Variants in COX7B2 observed in about 807,000 individuals in gnomAD.
COX7B2 encodes the protein cytochrome c oxidase subunit 7B2, mitochondrial.
For missense variants in COX7B2, 109 were observed against 95.9 expected (o/e 1.14, Z -0.57); for synonymous variants, 37 against 32.1 (o/e 1.15, Z -0.51).
chr4:46,785,539 T>C (rs1221969725), intron 2 of COX7B2, among the ~76,000 whole-genome samples: 16 of 152,138 alleles, frequency 1.1e-4, no homozygotes, highest in African/African-American at 3.6e-4. Flanking sequence ...CACCCGGCTA[T>C]GATACAGCAA....
In COX7B2 at chr4:46,813,154, A is replaced by T. The variant is rs545243221; in HGVS notation, c.-50+31806T>A. Among the ~76,000 whole-genome samples the T allele has an allele frequency of 1.2e-4, 19 of 152,324 alleles. No individual in the cohort carries two copies. In the South Asian group the frequency reaches 3.9e-3, roughly 32 times the overall value. On this transcript the variant is annotated intron_variant, in intron 2 of 2. Coordinates refer to ENST00000355591, the MANE Select transcript of COX7B2 (RefSeq NM_130902.3). ...GCTTTGTGGTAGCTTGACTCTAGGG[A>T]GTAGGCCATAAGACAAGATTTCATT...
At chr4:46,898,951 T>C (rs929533909) in intron 1 of COX7B2, among the ~76,000 whole-genome samples, 1 of 152,178 alleles carries the variant, frequency 6.6e-6, no homozygotes, top group Admixed American at 6.5e-5. Flanking sequence ...TGTAACCTCA[T>C]GAAGGAAGGG....
chr4:46,776,506 C>T (rs73139356), intron 2 of COX7B2, among the ~76,000 whole-genome samples: 1 of 151,648 alleles, frequency 6.6e-6, no homozygotes, highest in South Asian at 2.1e-4. Context: ...AAGCAAGATA[C>T]GCACTGTTGT....
At chr4:46,756,152 A>G (rs1415744185) in intron 2 of COX7B2, among the ~76,000 whole-genome samples, 2 of 152,062 alleles carry the variant, frequency 1.3e-5, no homozygotes, top group East Asian at 3.9e-4. Context: ...CCCAGAAATA[A>G]AGCCACTTGT....
chr4:46,903,795 T>C (rs989998792), intron 1 of COX7B2: 2 of 152,222 alleles, frequency 1.3e-5, no homozygotes, highest in African/African-American at 2.4e-5. Context: ...AGCTATACTA[T>C]ATAGCCTATG....
At chr4:46,897,971 A>C (rs751494763) in intron 1 of COX7B2, among the ~76,000 whole-genome samples, 4 of 151,530 alleles carry the variant, frequency 2.6e-5, no homozygotes, top group Admixed American at 2.6e-4. Flanking sequence ...CCACCTCTCC[A>C]TTTCTCCTTC....
chr4:46,904,736 C>T (rs1353996886), intron 1 of COX7B2, among the ~76,000 whole-genome samples: 1 of 152,054 alleles, frequency 6.6e-6, no homozygotes, highest in Non-Finnish European at 1.5e-5. Context: ...GATACATTCA[C>T]ATCACAAAAT....
At chr4:46,799,720 C>A (rs560930208) in intron 2 of COX7B2, among the ~76,000 whole-genome samples, 13 of 152,224 alleles carry the variant, frequency 8.5e-5, no homozygotes, top group Middle Eastern at 3.4e-3. Context: ...TTTGGTTGAT[C>A]AGCTTTTTGA....
chr4:46,819,234 C>T, intron 2 of COX7B2, among the ~76,000 whole-genome samples: 1 of 152,144 alleles, frequency 6.6e-6, no homozygotes, highest in Non-Finnish European at 1.5e-5. Flanking sequence ...TCCCAACCCA[C>T]TCTCATTTAT....
intron 2 of COX7B2, among the ~76,000 whole-genome samples, chr4:46,812,773 C>CTACA (rs1429880272): frequency 6.6e-6 from 1 of 152,214 alleles, no homozygotes; most frequent in Admixed American, 6.5e-5. Context: ...ACTAAAGGCA[C>CTACA]TGTGTCTGTT....
intron 2 of COX7B2, among the ~76,000 whole-genome samples, chr4:46,808,974 T>C (rs1239069928): frequency 6.6e-6 from 1 of 151,886 alleles, no homozygotes; most frequent in East Asian, 1.9e-4. Context: ...ATCAGAGAAA[T>C]TGGTCTGTAG....
At chr4:46,852,037 G>T (rs950562699) in intron 1 of COX7B2, among the ~76,000 whole-genome samples, 1 of 151,992 alleles carries the variant, frequency 6.6e-6, no homozygotes, top group Non-Finnish European at 1.5e-5. Context: ...ATCCATAGGA[G>T]ACTTTATGAC....
At chr4:46,833,086 G>T (rs1225838980) in intron 2 of COX7B2, among the ~76,000 whole-genome samples, 1 of 152,024 alleles carries the variant, frequency 6.6e-6, no homozygotes, top group Non-Finnish European at 1.5e-5. Flanking sequence ...TGTATTTTTA[G>T]TAGAGACGGG....
chr4:46,777,316 A>G (rs1007331889), intron 2 of COX7B2, among the ~76,000 whole-genome samples: 7 of 152,132 alleles, frequency 4.6e-5, no homozygotes, highest in African/African-American at 1.7e-4. Context: ...CTCATGAAGA[A>G]TTTTGCTTTT....
rs370672443 is a variant in COX7B2, at chr4:46,841,519, C to T, written c.-50+3441G>A. On this transcript the variant is annotated intron_variant, in intron 2 of 2. Coordinates refer to ENST00000355591, the MANE Select transcript of COX7B2 (RefSeq NM_130902.3). ...GTTAATTCGTGTTTGGGATAATGTG[C>T]TATCTTAGTAAGACATAATAATATG... Among the ~76,000 whole-genome samples, 6 of 151,940 alleles carry T rather than the reference C, an allele frequency of 3.9e-5. No individual in the cohort carries two copies. In the East Asian group the frequency reaches 1.2e-3, roughly 29 times the overall value.
chr4:46,736,044 T>G lies in COX7B2; in HGVS notation c.-49-803A>C, dbSNP rs114336100. On this transcript the variant is annotated intron_variant, in intron 2 of 2. Transcript: ENST00000355591. Reference sequence around the variant, plus strand: ...TTCATGATTACCCAAAGTCCATAGTTTACATGAAGGTTCACTCCTGATATT... The same window carrying G: ...TTCATGATTACCCAAAGTCCATAGTGTACATGAAGGTTCACTCCTGATATT... Among the ~76,000 whole-genome samples, 828 of 152,322 alleles carry G rather than the reference T, an allele frequency of 5.4e-3. 8 individuals carry two copies. The highest frequency in any genetic ancestry group is 0.017 in the African/African-American group (727 of 41,572).
chr4:46,817,112 T>C (rs1437405062), intron 2 of COX7B2, among the ~76,000 whole-genome samples: 1 of 152,232 alleles, frequency 6.6e-6, no homozygotes, highest in Non-Finnish European at 1.5e-5. Context: ...AAGTTAATTT[T>C]AAGCCTCTGT....
At chr4:46,880,035 T>G (rs1718613782) in intron 1 of COX7B2, among the ~76,000 whole-genome samples, 1 of 152,160 alleles carries the variant, frequency 6.6e-6, no homozygotes, top group Non-Finnish European at 1.5e-5. Flanking sequence ...CTCGTGCCGG[T>G]TTTCATGGGA....
At position 46,823,205 on chromosome 4, in the gene COX7B2, A is replaced by G. The variant is rs145490563; in HGVS notation, c.-50+21755T>C. Among the ~76,000 whole-genome samples, 525 of 152,228 alleles carry G rather than the reference A, an allele frequency of 3.4e-3. 2 individuals are homozygous for G. Among genetic ancestry groups the G allele is most frequent in the Non-Finnish European group, 5.8e-3 (393 of 67,996 alleles). On this transcript the variant is annotated intron_variant, in intron 2 of 2. Transcript: ENST00000355591. ...TGGGTGGGAAATAGCCACTATTTCCAAAATTCCATCCGGATACATCACCAC... is the reference window on the plus strand; with the variant it reads ...TGGGTGGGAAATAGCCACTATTTCCGAAATTCCATCCGGATACATCACCAC...
Sources: allele counts gnomAD v4.1 joint callset (sites outside exome capture counted in the v4.1 genomes callset), GRCh38; gene constraint gnomAD v4.1.1; transcripts MANE v1.5; gene names NCBI Gene and HGNC (gene_info 2026-07-23, HGNC 2026-07-21).